DPH6: variants seen among roughly 807,000 people sequenced by gnomAD.
DPH6 encodes the protein diphthamine biosynthesis 6, also known as diphthine--ammonia ligase.
In DPH6, 33 loss-of-function variants were observed where a neutral mutation model predicts 38.2. The observed-to-expected ratio is 0.86, with a 90% CI of 0.65 to 1.15. The LOEUF (loss-of-function observed/expected upper bound fraction) is 1.15, where lower values mean the gene tolerates loss of function less well. Ranked by LOEUF, DPH6 falls within the 50% of genes most tolerant of loss-of-function variation. The pLI is 0.00. For synonymous variants in DPH6, 108 were observed against 103.0 expected (o/e 1.05, Z -0.30); for missense variants, 325 against 320.0 (o/e 1.02, Z -0.12).
At chr15:35,245,115 A>T (rs886482465) in intron 3 of DPH6, among the ~76,000 whole-genome samples, 5 of 152,170 alleles carry the variant, frequency 3.3e-5, no homozygotes, top group African/African-American at 1.2e-4. Flanking sequence ...AAAAAAATGA[A>T]CAATTTATAC....
At chr15:35,240,455 T>TCCCCAGGC (rs2051589710) in intron 3 of DPH6, among the ~76,000 whole-genome samples, 1 of 142,348 alleles carries the variant, frequency 7.0e-6, no homozygotes, top group African/African-American at 2.5e-5. Flanking sequence ...TCTCCCCTCC[T>TCCCCAGGC]TGCCAGCCCA....
intron 5 of DPH6, among the ~76,000 whole-genome samples, chr15:35,414,735 CTTT>C (rs369352065): frequency 6.8e-6 from 1 of 147,914 alleles, no homozygotes; most frequent in African/African-American, 2.6e-5. Flanking sequence ...TACTTTTTCT[CTTT>C]TTTTTCTGCT....
At chr15:35,307,524 A>G (rs1341914970) in intron 3 of DPH6, among the ~76,000 whole-genome samples, 1 of 152,174 alleles carries the variant, frequency 6.6e-6, no homozygotes, top group African/African-American at 2.4e-5. Context: ...AAACAACAGT[A>G]TAAAGGATAT....
intron 3 of DPH6, among the ~76,000 whole-genome samples, chr15:35,354,740 CTCTT>C (rs1173910903): frequency 3.3e-5 from 5 of 152,054 alleles, no homozygotes; most frequent in Non-Finnish European, 5.9e-5. Context: ...GTCTAAAATT[CTCTT>C]TTTTTTGTTG....
chr15:35,304,974 G>A (rs111379384), intron 3 of DPH6, among the ~76,000 whole-genome samples: 3 of 152,182 alleles, frequency 2.0e-5, no homozygotes, highest in Middle Eastern at 3.4e-3. Flanking sequence ...ACTAGTCACA[G>A]AGGGACACTT....
At chr15:35,169,337 G>A in the DPH6 span, among the ~76,000 whole-genome samples, 1 of 152,004 alleles carries the variant, frequency 6.6e-6, no homozygotes, top group African/African-American at 2.4e-5. Flanking sequence ...GCCACAGGAT[G>A]GTGTGTTATA....
intron 3 of DPH6, among the ~76,000 whole-genome samples, chr15:35,507,662 A>T (rs2054713006): frequency 6.6e-6 from 1 of 152,150 alleles, no homozygotes; most frequent in South Asian, 2.1e-4. Flanking sequence ...TTAATTTGCT[A>T]CTATTAAATC....
intron 3 of DPH6, among the ~76,000 whole-genome samples, chr15:35,269,727 G>A (rs1035569677): frequency 6.7e-6 from 1 of 148,820 alleles, no homozygotes; most frequent in Non-Finnish European, 1.5e-5. Flanking sequence ...CGCAGCCACC[G>A]CGCCCGGCCA....
At chr15:35,415,437 G>A (rs2053424375) in intron 5 of DPH6, among the ~76,000 whole-genome samples, 1 of 152,032 alleles carries the variant, frequency 6.6e-6, no homozygotes. Flanking sequence ...GCTTTACACA[G>A]GTAGGCACCA....
At chr15:35,493,707 T>C (rs374897220) in intron 3 of DPH6, among the ~76,000 whole-genome samples, 1 of 152,268 alleles carries the variant, frequency 6.6e-6, no homozygotes, top group African/African-American at 2.4e-5. Flanking sequence ...AATGTGTTGC[T>C]ATCAAGAGCA....
chr15:35,343,480 A>G (rs1323466772), intron 3 of DPH6, among the ~76,000 whole-genome samples: 1 of 152,014 alleles, frequency 6.6e-6, no homozygotes, highest in Non-Finnish European at 1.5e-5. Context: ...ACAAAGTAAA[A>G]AGAGATGATG....
At chr15:35,386,788 G>A (rs2052966242) in intron 6 of DPH6, among the ~76,000 whole-genome samples, 1 of 151,690 alleles carries the variant, frequency 6.6e-6, no homozygotes, top group Non-Finnish European at 1.5e-5. Flanking sequence ...CCATTTTGTA[G>A]GTTGCCTGTT....
intron 3 of DPH6, among the ~76,000 whole-genome samples, chr15:35,355,086 T>C (rs2052547998): frequency 6.6e-6 from 1 of 152,218 alleles, no homozygotes; most frequent in Non-Finnish European, 1.5e-5. Flanking sequence ...AAGTCTGTTT[T>C]ATCATAGACT....
chr15:35,481,062 C>G (rs975463729), intron 3 of DPH6, among the ~76,000 whole-genome samples: 2 of 152,072 alleles, frequency 1.3e-5, no homozygotes, highest in Non-Finnish European at 2.9e-5. Flanking sequence ...TGGAAATGCT[C>G]TATCTGTGTT....
chr15:35,503,736 T>C (rs11631542), intron 3 of DPH6, among the ~76,000 whole-genome samples: 7,625 of 152,134 alleles, frequency 0.05, 215 homozygotes, highest in East Asian at 0.12. Context: ...AAACACTATA[T>C]GACAAGAATA....
chr15:35,265,907 T>A (rs1490320779), intron 3 of DPH6, among the ~76,000 whole-genome samples: 1 of 152,152 alleles, frequency 6.6e-6, no homozygotes, highest in African/African-American at 2.4e-5. Flanking sequence ...ACACCTAAAT[T>A]GCTTTGTTGA....
intron 3 of DPH6, among the ~76,000 whole-genome samples, chr15:35,249,343 A>G (rs1440265235): frequency 2.6e-5 from 4 of 152,238 alleles, no homozygotes; most frequent in African/African-American, 7.2e-5. Context: ...ATTTAGATTG[A>G]AAAAGCTACA....
intron 3 of DPH6, among the ~76,000 whole-genome samples, chr15:35,536,093 T>C (rs2055164831): frequency 6.6e-6 from 1 of 151,758 alleles, no homozygotes; most frequent in Non-Finnish European, 1.5e-5. Context: ...AAAAATGCAG[T>C]TCTTTCTTTT....
At chr15:35,523,252 T>C (rs1186860236) in intron 3 of DPH6, among the ~76,000 whole-genome samples, 1 of 150,552 alleles carries the variant, frequency 6.6e-6, no homozygotes, top group Non-Finnish European at 1.5e-5. Context: ...TTTTTTTTTT[T>C]TTTTTTTGGT....
Sources: gnomAD v4.1 joint callset for allele counts (sites outside exome capture counted in the v4.1 genomes callset) on GRCh38, gnomAD v4.1.1 for gene constraint, MANE v1.5 for transcripts, NCBI Gene and HGNC (gene_info 2026-07-23, HGNC 2026-07-21) for gene names.